KCNN2: variants seen among roughly 807,000 people sequenced by gnomAD.
KCNN2 encodes the protein small conductance calcium-activated potassium channel protein 2.
Under a neutral mutation model 55.5 loss-of-function variants are expected in KCNN2, and 24 were observed. The observed-to-expected ratio is 0.43, with a 90% CI of 0.31 to 0.61. The LOEUF (loss-of-function observed/expected upper bound fraction) is 0.61. Ranked by LOEUF, KCNN2 falls within the 20% of genes least tolerant of loss-of-function variation. The probability of loss-of-function intolerance (pLI) is 0.08; values close to 1 mark genes in which losing one functional copy is unlikely to be tolerated. For missense variants in KCNN2, 754 were observed against 853.6 expected, an observed-to-expected ratio of 0.88 and a Z score of 1.45; for synonymous variants, 431 against 336.1, an observed-to-expected ratio of 1.28 and a Z score of -3.09.
intron 1 of KCNN2, among the ~76,000 whole-genome samples, chr5:114,211,574 G>A (rs13185571): frequency 0.015 from 2,260 of 152,130 alleles, 44 homozygotes; most frequent in Admixed American, 0.061. Context: ...GAGGAGGGTG[G>A]GAGAAGGAAG....
At chr5:114,437,181 T>C (rs542941714) in intron 3 of KCNN2, among the ~76,000 whole-genome samples, 17 of 152,226 alleles carry the variant, frequency 1.1e-4, no homozygotes, top group Non-Finnish European at 2.5e-4. Flanking sequence ...ATTGGATATA[T>C]ATATAGAATC....
At chr5:114,218,639 C>T (rs186962948) in intron 1 of KCNN2, among the ~76,000 whole-genome samples, 1 of 152,316 alleles carries the variant, frequency 6.6e-6, no homozygotes, top group East Asian at 1.9e-4. Flanking sequence ...GTGAATTACT[C>T]TGTTTAATGG....
chr5:114,348,451 C>A (rs1345886171), intron 2 of KCNN2, among the ~76,000 whole-genome samples: 1 of 151,984 alleles, frequency 6.6e-6, no homozygotes, highest in East Asian at 1.9e-4. Flanking sequence ...AAGCCATTAC[C>A]AGTCATCTTC....
intron 1 of KCNN2, among the ~76,000 whole-genome samples, chr5:114,174,436 T>C (rs1173727371): frequency 6.6e-6 from 1 of 152,132 alleles, no homozygotes; most frequent in East Asian, 1.9e-4. Context: ...GAGTAGATTA[T>C]GGAAACTGAC....
chr5:114,394,641 A>G (rs977550407), intron 2 of KCNN2, among the ~76,000 whole-genome samples: 5 of 152,132 alleles, frequency 3.3e-5, no homozygotes, highest in South Asian at 2.1e-4. Flanking sequence ...TTTCACATCT[A>G]TGTCTTTCAA....
intron 2 of KCNN2, among the ~76,000 whole-genome samples, chr5:114,303,503 G>C (rs1756209614): frequency 6.6e-6 from 1 of 152,174 alleles, no homozygotes; most frequent in South Asian, 2.1e-4. Flanking sequence ...GCACGCAGAG[G>C]CCAGAGCTTG....
At chr5:114,103,362 C>G (rs1751411637) in intron 1 of KCNN2, among the ~76,000 whole-genome samples, 1 of 152,130 alleles carries the variant, frequency 6.6e-6, no homozygotes. Flanking sequence ...ACAATCATGT[C>G]ATCTGCAAAC....
At chr5:114,331,139 T>C (rs1017315978) in intron 2 of KCNN2, among the ~76,000 whole-genome samples, 1 of 152,118 alleles carries the variant, frequency 6.6e-6, no homozygotes, top group Non-Finnish European at 1.5e-5. Flanking sequence ...TTTCTGAGTA[T>C]AAGCGGATCA....
chr5:114,323,402 C>A (rs987204376), intron 2 of KCNN2, among the ~76,000 whole-genome samples: 1 of 152,048 alleles, frequency 6.6e-6, no homozygotes, highest in African/African-American at 2.4e-5. Context: ...ATCATAAGCA[C>A]CAAATACTGC....
At chr5:114,120,322 A>C (rs1170318265) in intron 1 of KCNN2, among the ~76,000 whole-genome samples, 2 of 152,164 alleles carry the variant, frequency 1.3e-5, no homozygotes. Flanking sequence ...CTGTTGATTA[A>C]TAGGATTACA....
At chr5:114,135,049 T>TA (rs1224072110) in intron 1 of KCNN2, among the ~76,000 whole-genome samples, 1 of 152,076 alleles carries the variant, frequency 6.6e-6, no homozygotes, top group Non-Finnish European at 1.5e-5. Context: ...AGGCATAAGA[T>TA]GGAGATGAAA....
At chr5:114,386,798 C>T (rs1758303528) in intron 2 of KCNN2, among the ~76,000 whole-genome samples, 1 of 152,194 alleles carries the variant, frequency 6.6e-6, no homozygotes, top group South Asian at 2.1e-4. Context: ...CTGTCTGCCT[C>T]TCAGAATTCT....
chr5:114,295,418 C>G (rs936403484), intron 2 of KCNN2, among the ~76,000 whole-genome samples: 1 of 152,194 alleles, frequency 6.6e-6, no homozygotes, highest in African/African-American at 2.4e-5. Context: ...CACCCCTCCC[C>G]CAGCCTCGCT....
At chr5:114,417,298 G>A (rs1759335153) in intron 3 of KCNN2, among the ~76,000 whole-genome samples, 1 of 152,178 alleles carries the variant, frequency 6.6e-6, no homozygotes. Flanking sequence ...GGAAGGGAAT[G>A]AGTATTCTTA....
chr5:114,285,572 GT>G lies in KCNN2; in HGVS notation c.-185+64008del, dbSNP rs765220488. ...TCCTAAAATTATAGATCAGAATTAA[GT>G]AGCAAATTCGCAAGGTGGTATTTGT... On this transcript the variant is annotated intron_variant, in intron 2 of 10. Transcript: ENST00000512097. 2.6e-5 allele frequency among the ~76,000 whole-genome samples: 4 copies of G among 152,268 alleles called. No homozygotes were observed. In the East Asian group the frequency reaches 5.8e-4, roughly 22 times the overall value.
At chr5:114,143,034 A>G (rs1399062972) in intron 1 of KCNN2, among the ~76,000 whole-genome samples, 2 of 152,074 alleles carry the variant, frequency 1.3e-5, no homozygotes, top group East Asian at 1.9e-4. Context: ...GTCAAGAAAT[A>G]ATAAACGCAC....
At chr5:114,080,862 A>G (rs1170407640) in intron 1 of KCNN2, among the ~76,000 whole-genome samples, 1 of 152,192 alleles carries the variant, frequency 6.6e-6, no homozygotes, top group African/African-American at 2.4e-5. Flanking sequence ...AATAAAAGAC[A>G]TCCAAATAGG....
chr5:114,396,862 T>A (rs144642701), intron 2 of KCNN2, among the ~76,000 whole-genome samples: 45 of 152,234 alleles, frequency 3.0e-4, no homozygotes, highest in African/African-American at 9.9e-4. Context: ...TCTTTTGATC[T>A]TCACCTTCCT....
intron 2 of KCNN2, among the ~76,000 whole-genome samples, chr5:114,258,106 G>C (rs961429490): frequency 3.9e-5 from 6 of 151,928 alleles, no homozygotes; most frequent in Non-Finnish European, 8.8e-5. Flanking sequence ...ATGATTGTAT[G>C]GTTTTTGTTT....
Sources: gnomAD v4.1 joint callset for allele counts (sites outside exome capture counted in the v4.1 genomes callset) on GRCh38, gnomAD v4.1.1 for gene constraint, MANE v1.5 for transcripts, NCBI Gene and HGNC (gene_info 2026-07-23, HGNC 2026-07-21) for gene names.